Variants in CD109 observed in about 807,000 individuals in gnomAD.
The protein encoded by CD109 is CD109 molecule.
Under a neutral mutation model 165.8 loss-of-function variants are expected in CD109, and 149 were observed. The observed-to-expected ratio is 0.90, with a 90% confidence interval of 0.79 to 1.03. The LOEUF (loss-of-function observed/expected upper bound fraction) is 1.03, where lower values mean the gene tolerates loss of function less well. Among genes scored for constraint, CD109 ranks in the 50% least tolerant of loss-of-function variants. CD109 has a pLI of 0.00. For missense variants in CD109, 1,712 were observed against 1,677.8 expected (o/e 1.02, Z -0.36); for synonymous variants, 585 against 592.1 (o/e 0.99, Z 0.18).
intron 2 of CD109, among the ~76,000 whole-genome samples, chr6:73,707,153 G>A (rs755926207): frequency 5.3e-5 from 8 of 152,182 alleles, no homozygotes; most frequent in Admixed American, 2.6e-4. Flanking sequence ...AAAGTCAAGC[G>A]TGGGTTTACT....
At position 73,766,838 on chromosome 6, in the gene CD109, A is replaced by G. The variant is rs1375817101; in HGVS notation, c.1412A>G (p.Lys471Arg). The G allele has an allele frequency of 1.9e-6, 3 of 1,612,490 alleles. No individual in the cohort carries two copies. The highest frequency in any genetic ancestry group is 2.7e-5 in the African/African-American group (2 of 74,880). Reference sequence around the variant, plus strand: ...CCTAGTAAGACATACATCCAACTAAAAACAAGAGATGAAAATATAAAGGTA... The same window carrying G: ...CCTAGTAAGACATACATCCAACTAAGAACAAGAGATGAAAATATAAAGGTA... ...KSPSKTYIQL[K>R]TRDENIKVGS... Residue 471 changes from lysine (K) to arginine (R), a missense_variant, in exon 12 of 33, where the codon AAA becomes AGA. Coordinates refer to ENST00000287097, the MANE Select transcript of CD109 (RefSeq NM_133493.5).
chr6:73,757,093 C>G (rs1261395462), intron 6 of CD109, among the ~76,000 whole-genome samples: 1 of 152,184 alleles, frequency 6.6e-6, no homozygotes, highest in East Asian at 1.9e-4. Flanking sequence ...CTTACAATAT[C>G]TGTTAGAAAC....
chr6:73,764,884 G>T (rs572494658), intron 10 of CD109, among the ~76,000 whole-genome samples: 105 of 151,998 alleles, frequency 6.9e-4, no homozygotes, highest in African/African-American at 1.8e-3. Flanking sequence ...GAATGGGTCG[G>T]TAGACGTTTC....
chr6:73,772,952 C>T (rs1156275792), intron 15 of CD109, among the ~76,000 whole-genome samples: 1 of 147,304 alleles, frequency 6.8e-6, no homozygotes, highest in Non-Finnish European at 1.5e-5. Context: ...CTCTCTTTGA[C>T]TTTTCCTGAG....
In CD109 at chr6:73,768,136, C is replaced by T. The variant is rs771820249; in HGVS notation, c.1579C>T (p.Pro527Ser). 5.0e-6 allele frequency: 8 copies of T among 1,609,994 alleles called. No individual in the cohort carries two copies. Among genetic ancestry groups the T allele is most frequent in the Non-Finnish European group, 6.8e-6 (8 of 1,176,634 alleles). Residue 527 changes from proline (P) to serine (S), a missense_variant, in exon 14 of 33, where the codon CCA becomes TCA. Coordinates refer to ENST00000287097, the MANE Select transcript of CD109 (RefSeq NM_133493.5). ...TTTAACACCAGAAAATTCTTGGACT[C>T]CAAAAGCCTGTGTAATTGTGTATTA... ...FSLTPENSWT[P>S]KACVIVYYIE...
chr6:73,759,016 C>A lies in CD109; in HGVS notation c.746C>A (p.Thr249Asn). 6.3e-7 allele frequency: 1 copy of A among 1,593,406 alleles called. No homozygotes were observed. The highest frequency in any genetic ancestry group is 8.6e-7 in the Non-Finnish European group (1 of 1,162,148). ...CSMNSKHLNGTITAKYTYGKP... is the reference protein window; with the variant it reads ...CSMNSKHLNGNITAKYTYGKP... ...ATGAATTCTAAGCATTTAAATGGTA[C>A]CATCACGGCAAAGTAAGTGTCATTT... Residue 249 changes from threonine (T) to asparagine (N), a missense_variant, in exon 7 of 33, where the codon ACC becomes AAC. Transcript: ENST00000287097.
At chr6:73,707,506 G>C (rs1771325534) in intron 2 of CD109, among the ~76,000 whole-genome samples, 1 of 152,112 alleles carries the variant, frequency 6.6e-6, no homozygotes. Context: ...TGTTTGGGAG[G>C]CACAGTGGGT....
intron 2 of CD109, among the ~76,000 whole-genome samples, chr6:73,714,548 T>G (rs1771655290): frequency 6.6e-6 from 1 of 152,222 alleles, no homozygotes; most frequent in African/African-American, 2.4e-5. Flanking sequence ...GCATTGTAAT[T>G]ACCGTCTCAG....
At chr6:73,733,223 TG>T (rs1211889629) in intron 4 of CD109, among the ~76,000 whole-genome samples, 1 of 152,198 alleles carries the variant, frequency 6.6e-6, no homozygotes, top group African/African-American at 2.4e-5. Flanking sequence ...TAGCCTGAAC[TG>T]GAGCCCCTGA....
upstream of CD109, chr6:73,696,076 T>C: frequency 2.7e-6 from 2 of 753,174 alleles, no homozygotes; most frequent in South Asian, 1.5e-5. Flanking sequence ...TCTCTCACTC[T>C]GCTGTTAGGC....
At chr6:73,771,346 T>C in intron 14 of CD109, 83 bp from the exon 15 acceptor site, 9 of 1,056,844 alleles carry the variant, frequency 8.5e-6, no homozygotes, top group Non-Finnish European at 1.3e-5. Flanking sequence ...ATCTTTGCTA[T>C]ATTTTGGGCC....
At chr6:73,728,393 T>C (rs1253893848) in intron 3 of CD109, among the ~76,000 whole-genome samples, 1 of 152,242 alleles carries the variant, frequency 6.6e-6, no homozygotes, top group East Asian at 1.9e-4. Flanking sequence ...GGTGACATAC[T>C]GATTGTTTTT....
chr6:73,791,190 T>TATATATATATATACACATAC (rs1352766740), intron 22 of CD109, among the ~76,000 whole-genome samples: 1 of 13,528 alleles, frequency 7.4e-5, no homozygotes, highest in African/African-American at 2.3e-4. Flanking sequence ...CACACACACA[T>TATATATATATATACACATAC]ACATATATAT....
At position 73,806,833 on chromosome 6, in the gene CD109, T is replaced by G; in HGVS notation, c.2961-11T>G. On this transcript the variant is annotated splice_polypyrimidine_tract_variant and intron_variant, in intron 24 of 32. Transcript: ENST00000287097. Reference sequence around the variant, plus strand: ...GTGTATTTTATGTAATTTTTTTCTCTTTTCATAAAGGTTGTCAGCTTTTGT... The same window carrying G: ...GTGTATTTTATGTAATTTTTTTCTCGTTTCATAAAGGTTGTCAGCTTTTGT... 2 of 1,601,728 alleles carry G rather than the reference T, an allele frequency of 1.2e-6. No individual in the cohort carries two copies. Among genetic ancestry groups the G allele is most frequent in the Non-Finnish European group, 1.7e-6 (2 of 1,171,782 alleles).
Position 73,824,098 on chromosome 6 carries a change from C to G in CD109, c.*465C>G, listed in dbSNP as rs1562092360. ...TCCAACCTAGCCCTACTGCCCACCC[C>G]ACCCCAACCCACCCCATGCCCAGTG... is the stretch of plus-strand genomic sequence containing the variant. On this transcript the variant is annotated 3_prime_UTR_variant, in exon 33 of 33. Coordinates refer to ENST00000287097, the MANE Select transcript of CD109 (RefSeq NM_133493.5). The G allele has an allele frequency of 6.6e-6, 1 of 151,272 alleles. No homozygotes were observed. The highest frequency in any genetic ancestry group is 2.1e-4 in the South Asian group (1 of 4,712). The allele number at this position is 151,272 out of a possible 1,614,324, so 9.4% of individuals were successfully genotyped here.
At chr6:73,802,307 T>TATATATATA (rs1775393783) in intron 23 of CD109, among the ~76,000 whole-genome samples, 3 of 52,514 alleles carry the variant, frequency 5.7e-5, no homozygotes, top group African/African-American at 2.3e-4. Context: ...ATATATATAT[T>TATATATATA]TTTTTTTTTT....
At chr6:73,821,482 C>T (rs139769680) in intron 32 of CD109, among the ~76,000 whole-genome samples, 26 of 152,236 alleles carry the variant, frequency 1.7e-4, no homozygotes, top group Middle Eastern at 3.4e-3. Flanking sequence ...AGGTGCCCAT[C>T]AACTGTGAAT....
chr6:73,697,568 A>G lies in CD109; in HGVS notation c.243A>G (p.Glu81=). The G allele has an allele frequency of 6.2e-7, 1 of 1,613,438 alleles. No individual in the cohort carries two copies. Among genetic ancestry groups the G allele is most frequent in the Non-Finnish European group, 8.5e-7 (1 of 1,179,500 alleles). ...TCCTGGAAGCAGAAGGAGTCTTTGA[A>G]AAAGGTAAGATAAACAGCATAAAGT... ...VSVLEAEGVF[E]KGSFKTLTLP... is the part of the protein sequence containing the mutation. The change falls in exon 2 of 33, where the codon GAA becomes GAG. Residue 81 remains glutamate, a synonymous_variant. Transcript: ENST00000287097.
At chr6:73,757,716 T>A (rs1439157899) in intron 6 of CD109, among the ~76,000 whole-genome samples, 2 of 152,266 alleles carry the variant, frequency 1.3e-5, no homozygotes, top group Non-Finnish European at 1.5e-5. Context: ...TAACCATTTT[T>A]AAATTTTTAT....
Sources: gnomAD v4.1 joint callset for allele counts (sites outside exome capture counted in the v4.1 genomes callset) on GRCh38, gnomAD v4.1.1 for gene constraint, MANE v1.5 for transcripts, NCBI Gene and HGNC (gene_info 2026-07-23, HGNC 2026-07-21) for gene names.